Variants in SRPK1 observed in about 807,000 individuals in gnomAD.
SRPK1 encodes SRSF protein kinase 1.
A neutral mutation model predicts 89.5 loss-of-function variants in SRPK1; 52 were observed. That is an observed-to-expected ratio of 0.58 (90% confidence interval 0.46 to 0.73). The LOEUF (loss-of-function observed/expected upper bound fraction) is 0.73, where lower values mean the gene tolerates loss of function less well. Among genes scored for constraint, SRPK1 ranks in the 30% least tolerant of loss-of-function variants. The pLI is 0.00. For missense variants in SRPK1, 603 were observed against 780.6 expected, an observed-to-expected ratio of 0.77 and a Z score of 2.71; for synonymous variants, 255 against 270.2, an observed-to-expected ratio of 0.94 and a Z score of 0.55.
intron 9 of SRPK1, 77 bp downstream of exon 9, chr6:35,870,857 T>G: frequency 5.6e-6 from 7 of 1,258,910 alleles, no homozygotes; most frequent in Non-Finnish European, 7.8e-6. Context: ...TGAAACAAAC[T>G]GTTACCATCC....
At chr6:35,880,731 A>AG (rs1449031545) in intron 6 of SRPK1, among the ~76,000 whole-genome samples, 2 of 56,566 alleles carry the variant, frequency 3.5e-5, no homozygotes, top group South Asian at 7.0e-4. Flanking sequence ...AAAAAAAAAA[A>AG]AAAGAAAAAA....
intron 6 of SRPK1, among the ~76,000 whole-genome samples, chr6:35,882,267 CA>C (rs1770313417): frequency 2.3e-5 from 3 of 131,660 alleles, no homozygotes; most frequent in Non-Finnish European, 3.3e-5. Flanking sequence ...AAACTGGTCA[CA>C]ATTTTTTTTT....
chr6:35,865,400 C>A (rs1485237258), intron 12 of SRPK1, among the ~76,000 whole-genome samples: 1 of 151,976 alleles, frequency 6.6e-6, no homozygotes, highest in African/African-American at 2.4e-5. Flanking sequence ...CAATGCAATT[C>A]TTTTCAAAAT....
chr6:35,883,135 T>C (rs761171210), intron 6 of SRPK1, among the ~76,000 whole-genome samples: 22 of 151,884 alleles, frequency 1.4e-4, no homozygotes, highest in Non-Finnish European at 4.4e-5. Flanking sequence ...AGCAATTAAA[T>C]AGGCTGGGCA....
At chr6:35,864,688 C>T (rs1015582627) in intron 12 of SRPK1, among the ~76,000 whole-genome samples, 4 of 152,090 alleles carry the variant, frequency 2.6e-5, no homozygotes, top group Admixed American at 6.6e-5. Flanking sequence ...CCCACTGCTG[C>T]GTATATAATC....
chr6:35,862,752 C>A (rs59190698), intron 12 of SRPK1, among the ~76,000 whole-genome samples: 51,689 of 151,974 alleles, frequency 0.34, 9,066 homozygotes, highest in South Asian at 0.45. Context: ...AGAAATCTGA[C>A]AATCAATACT....
At chr6:35,861,308 C>T (rs1422470617) in intron 12 of SRPK1, among the ~76,000 whole-genome samples, 1 of 152,154 alleles carries the variant, frequency 6.6e-6, no homozygotes, top group Non-Finnish European at 1.5e-5. Context: ...AACCCTGAAC[C>T]AACTAGGGCC....
chr6:35,905,321 G>T (rs1483462953), intron 2 of SRPK1, among the ~76,000 whole-genome samples: 2 of 152,024 alleles, frequency 1.3e-5, no homozygotes, highest in African/African-American at 4.8e-5. Flanking sequence ...TAAAGGAGGA[G>T]GCACACTTCA....
chr6:35,868,396 C>T (rs995027869), intron 12 of SRPK1, among the ~76,000 whole-genome samples: 27 of 152,146 alleles, frequency 1.8e-4, no homozygotes, highest in Non-Finnish European at 1.5e-4. Context: ...TGACACTATA[C>T]ATCATAAAGC....
intron 2 of SRPK1, among the ~76,000 whole-genome samples, chr6:35,901,147 G>A (rs974089728): frequency 7.9e-5 from 12 of 152,180 alleles, no homozygotes; most frequent in African/African-American, 2.9e-4. Flanking sequence ...GCAGGGAACT[G>A]CCTTCTGAGG....
chr6:35,892,692 C>CACAA lies in SRPK1; in HGVS notation c.75-1680_75-1679insTTGT, dbSNP rs1420545850. Among the ~76,000 whole-genome samples the CACAA allele has an allele frequency of 1.1e-3, 159 of 142,226 alleles. 3 individuals are homozygous for CACAA. In the East Asian group the frequency reaches 0.02, roughly 18 times the overall value. 93.3% of individuals were successfully genotyped at this position (142,226 alleles called of 152,430 possible). ...ACAACAACAACAACAACAACAACGA[C>CACAA]AACAACACAAAACAAAACAAAACAA... On this transcript the variant is annotated intron_variant, in intron 2 of 15. Transcript: ENST00000373825.
intron 13 of SRPK1, among the ~76,000 whole-genome samples, chr6:35,851,089 T>C (rs1769544240): frequency 6.6e-6 from 1 of 152,094 alleles, no homozygotes; most frequent in South Asian, 2.1e-4. Flanking sequence ...GAAAGGAAAT[T>C]AGGAGGTCAC....
chr6:35,870,224 T>C (rs1582007241), intron 10 of SRPK1, 57 bp downstream of exon 10: 1 of 1,473,624 alleles, frequency 6.8e-7, no homozygotes, highest in Non-Finnish European at 9.3e-7. Context: ...TATATAGCAA[T>C]GATAAATTAA....
chr6:35,882,148 G>C (rs1770309354), intron 6 of SRPK1, among the ~76,000 whole-genome samples: 1 of 148,968 alleles, frequency 6.7e-6, no homozygotes, highest in Non-Finnish European at 1.5e-5. Flanking sequence ...AGTAGTAGTA[G>C]TAGTAGTAGT....
Position 35,872,668 on chromosome 6 carries a change from G to T in SRPK1, c.646C>A (p.Pro216Thr), listed in dbSNP as rs1437030593. Residue 216 changes from proline to threonine, a missense_variant, in exon 8 of 16, where the codon CCA (proline) becomes ACA (threonine). Transcript: ENST00000373825. ...TTCACTGACAATAAGATGTTCTCTGGTTTAATGTCAGTGTGGATGATACGG... is the reference window on the plus strand; with the variant it reads ...TTCACTGACAATAAGATGTTCTCTGTTTTAATGTCAGTGTGGATGATACGG... ...KCRIIHTDIK[P>T]ENILLSVNEQ... is the part of the protein sequence containing the mutation. 2 of 1,611,782 alleles carry T rather than the reference G, an allele frequency of 1.2e-6. No homozygotes were observed. Among genetic ancestry groups the T allele is most frequent in the Non-Finnish European group, 1.7e-6 (2 of 1,179,020 alleles).
chr6:35,896,977 G>A (rs924331827), intron 2 of SRPK1, among the ~76,000 whole-genome samples: 8 of 152,176 alleles, frequency 5.3e-5, no homozygotes, highest in African/African-American at 1.9e-4. Context: ...ATAATCCTAA[G>A]ATTTTATTTA....
At chr6:35,886,850 G>C in intron 5 of SRPK1, 39 bp from the exon 6 acceptor site, 1 of 1,222,752 alleles carries the variant, frequency 8.2e-7, no homozygotes, top group Non-Finnish European at 1.2e-6. Context: ...ACAAGGTAAA[G>C]CATGGAAATA....
intron 7 of SRPK1, 143 bp from the exon 8 acceptor site, chr6:35,872,871 C>A: frequency 1.4e-6 from 1 of 722,636 alleles, no homozygotes; most frequent in Non-Finnish European, 2.1e-6. Context: ...TAAAAAAGCA[C>A]AAATAAACTT....
intron 2 of SRPK1, among the ~76,000 whole-genome samples, chr6:35,909,065 G>GT (rs910379002): frequency 2.1e-4 from 32 of 152,248 alleles, no homozygotes; most frequent in African/African-American, 7.2e-4. Context: ...CCCACACAGA[G>GT]TCTGCACCGG....
Sources: allele counts gnomAD v4.1 joint callset (sites outside exome capture counted in the v4.1 genomes callset), GRCh38; gene constraint gnomAD v4.1.1; transcripts MANE v1.5; gene names NCBI Gene and HGNC (gene_info 2026-07-23, HGNC 2026-07-21).